CCDC198: variants seen among roughly 807,000 people sequenced by gnomAD.
The protein encoded by CCDC198 is factor associated with metabolism and energy.
A neutral mutation model predicts 35.6 loss-of-function variants in CCDC198; 18 were observed. The ratio of observed to expected loss-of-function variants is 0.51; its 90% CI spans 0.35 to 0.75. The LOEUF is 0.75. Ranked by LOEUF, CCDC198 falls within the 30% of genes least tolerant of loss-of-function variation. The pLI, the probability that CCDC198 is intolerant of heterozygous loss-of-function variation, is 0.01. For synonymous variants in CCDC198, 119 were observed against 113.4 expected, an observed-to-expected ratio of 1.05 and a Z score of -0.31; for missense variants, 365 against 343.7, an observed-to-expected ratio of 1.06 and a Z score of -0.49.
At chr14:57,478,829 C>G in intron 5 of CCDC198, 1 of 1,127,926 alleles carries the variant, frequency 8.9e-7, no homozygotes, top group Non-Finnish European at 1.1e-6. Context: ...GATCGAGCGT[C>G]TTGTTTCTCC....
At chr14:57,471,659 CTT>C (rs2066823169) in intron 5 of CCDC198, 69 bp from the exon 6 acceptor site, 2 of 790,784 alleles carry the variant, frequency 2.5e-6, no homozygotes, top group African/African-American at 3.5e-5. Flanking sequence ...AAGTGCCTAG[CTT>C]AATAAATAAT....
rs1263546391 is a variant in CCDC198 at position 57,469,427 on chromosome 14, G to A, written c.*1928C>T. 1 of 152,228 alleles carries A rather than the reference G, an allele frequency of 6.6e-6. No homozygotes were observed. Among genetic ancestry groups the A allele is most frequent in the Non-Finnish European group, 1.5e-5 (1 of 68,048 alleles). The allele number at this position is 152,228 out of a possible 1,614,324, so 9.4% of individuals were successfully genotyped here. On this transcript the variant is annotated 3_prime_UTR_variant, in exon 6 of 6. Transcript: ENST00000216445. ...CTCACAGTTCATTAAGCTTGTGGAA[G>A]TGGGTTTCGTGAAATTGAATTTTAA...
At chr14:57,492,866 T>C (rs538627866) in intron 1 of CCDC198, among the ~76,000 whole-genome samples, 1 of 152,284 alleles carries the variant, frequency 6.6e-6, no homozygotes, top group Non-Finnish European at 1.5e-5. Context: ...ACATGGCTTA[T>C]AAAATATCCC....
chr14:57,471,398 G>A lies in CCDC198; in HGVS notation c.848C>T (p.Thr283Ile). The A allele has an allele frequency of 6.2e-7, 1 of 1,613,918 alleles. No individual in the cohort carries two copies. The highest frequency in any genetic ancestry group is 1.7e-5 in the Admixed American group (1 of 59,996). The change falls in exon 6 of 6, where the codon ACA becomes ATA. Residue 283 changes from threonine to isoleucine, a missense_variant. By Grantham distance (89) the Thr-to-Ile change is moderately conservative (BLOSUM62 -1). Coordinates refer to ENST00000216445, the MANE Select transcript of CCDC198 (RefSeq NM_018168.4). Reference protein sequence around the residue: ...KKPRALVRTRTERIPLFDEFF... With the variant: ...KKPRALVRTRIERIPLFDEFF... ...CTCATCGAAAAGTGGGATTCTCTCTGTCCTGGTCCTCACCAGTGCTCGTGG... is the reference window on the plus strand; with the variant it reads ...CTCATCGAAAAGTGGGATTCTCTCTATCCTGGTCCTCACCAGTGCTCGTGG...
At chr14:57,479,105 G>T in intron 5 of CCDC198, 1 of 1,099,000 alleles carries the variant, frequency 9.1e-7, no homozygotes, top group Non-Finnish European at 1.2e-6. Flanking sequence ...AGACAAGCCT[G>T]TCCATTAGAA....
rs1330857474 is a variant in CCDC198, at chr14:57,493,552, T to A, written c.164A>T (p.Lys55Ile). ...AGGTGGCAGCTGCCCTTCCAAGGCT[T>A]TATTCTGGTCCTGCAGTCTTGCCAG... ...YSLARLQDQNKALEGQLPPLQ... is the reference protein window; with the variant it reads ...YSLARLQDQNIALEGQLPPLQ... Residue 55 changes from lysine (K) to isoleucine (I), a missense_variant, in exon 1 of 6, where the codon AAA becomes ATA. Coordinates refer to ENST00000216445, the MANE Select transcript of CCDC198 (RefSeq NM_018168.4). 6.2e-7 allele frequency: 1 copy of A among 1,613,986 alleles called. No homozygotes were observed. The highest frequency in any genetic ancestry group is 1.1e-5 in the South Asian group (1 of 91,084).
At chr14:57,493,392 G>A in intron 1 of CCDC198, 101 bp downstream of exon 1, 1 of 1,036,002 alleles carries the variant, frequency 9.7e-7, no homozygotes, top group Admixed American at 2.2e-5. Context: ...TACATTTCAG[G>A]AATTTAGAAA....
chr14:57,475,243 A>C, intron 5 of CCDC198: 1 of 623,406 alleles, frequency 1.6e-6, no homozygotes, highest in Non-Finnish European at 2.0e-6. Flanking sequence ...CCTGGGCGAC[A>C]GAGTGAGACT....
rs2066777639 is a variant in CCDC198, at chr14:57,469,375, GA to G, written c.*1979del. On this transcript the variant is annotated 3_prime_UTR_variant, in exon 6 of 6. Coordinates refer to ENST00000216445, the MANE Select transcript of CCDC198 (RefSeq NM_018168.4). Reference sequence around the variant, plus strand: ...CTAGGAAGCAGAAATACCATACAAAGAAGACATGGTTTATGCCCTCATGTAG... The same window carrying G: ...CTAGGAAGCAGAAATACCATACAAAGAGACATGGTTTATGCCCTCATGTAG... 6.6e-6 allele frequency: 1 copy of G among 152,174 alleles called. No individual in the cohort carries two copies. The highest frequency in any genetic ancestry group is 2.4e-5 in the African/African-American group (1 of 41,446). The allele number at this position is 152,174 out of a possible 1,614,324, so 9.4% of individuals were successfully genotyped here.
chr14:57,473,899 C>T (rs895685535), intron 5 of CCDC198, among the ~76,000 whole-genome samples: 3 of 152,182 alleles, frequency 2.0e-5, no homozygotes, highest in Non-Finnish European at 4.4e-5. Flanking sequence ...TAGAGTCCAT[C>T]GTGTTCCTTC....
chr14:57,471,435 C>G lies in CCDC198; in HGVS notation c.811G>C (p.Asp271His). 9 of 1,614,018 alleles carry G rather than the reference C, an allele frequency of 5.6e-6. No homozygotes were observed. Among genetic ancestry groups the G allele is most frequent in the Non-Finnish European group, 7.6e-6 (9 of 1,179,988 alleles). The stretch of plus-strand genomic sequence containing the variant: ...ACCAGTGCTCGTGGCTTCTTCTCAT[C>G]TTTCCCCTGCTCATCTGAGTCAGAG... ...SSSDSDEQGK[D>H]EKKPRALVRT... The change falls in exon 6 of 6, where the codon GAT becomes CAT. Residue 271 changes from aspartate (D) to histidine (H), a missense_variant. Transcript: ENST00000216445.
intron 2 of CCDC198, among the ~76,000 whole-genome samples, chr14:57,483,747 G>A (rs1380282062): frequency 2.0e-5 from 3 of 152,180 alleles, no homozygotes; most frequent in Admixed American, 6.5e-5. Context: ...AGCAATTCAT[G>A]TCAACCGGTC....
chr14:57,478,721 C>A, intron 5 of CCDC198: 1 of 1,040,366 alleles, frequency 9.6e-7, no homozygotes, highest in Non-Finnish European at 1.2e-6. Flanking sequence ...TATGTGACTA[C>A]AAAGGATATT....
chr14:57,485,740 GGGCAAA>G (rs1321527349), intron 2 of CCDC198, among the ~76,000 whole-genome samples: 1 of 152,168 alleles, frequency 6.6e-6, no homozygotes, highest in Non-Finnish European at 1.5e-5. Flanking sequence ...AAGAGAAGAA[GGGCAAA>G]GGATGTGGAG....
intron 2 of CCDC198, chr14:57,483,365 A>C (rs936021569): frequency 1.7e-6 from 1 of 592,856 alleles, no homozygotes. Context: ...CACTGTCGAC[A>C]GTGCCTTATT....
rs780223306 is a variant in CCDC198 at position 57,483,080 on chromosome 14, T to C, written c.378A>G (p.Thr126=). 4 of 1,614,126 alleles carry C rather than the reference T, an allele frequency of 2.5e-6. No individual in the cohort carries two copies. In the South Asian group the frequency reaches 4.4e-5, roughly 18 times the overall value. The change falls in exon 3 of 6, where the codon ACA becomes ACG. Residue 126 remains threonine, a synonymous_variant. Transcript: ENST00000216445. ...TGCAGCTCACCTTTGCTTTGTGCATTGTCCTGGCTTCTCGCTGGCTCAGGA... is the reference window on the plus strand; with the variant it reads ...TGCAGCTCACCTTTGCTTTGTGCATCGTCCTGGCTTCTCGCTGGCTCAGGA... The part of the protein sequence containing the change: ...GRLLSQREAR[T]MHKAKQVLEK...
chr14:57,471,157 T>G lies in CCDC198; in HGVS notation c.*198A>C. 1 of 500,450 alleles carries G rather than the reference T, an allele frequency of 2.0e-6. No homozygotes were observed. 31.0% of individuals were successfully genotyped at this position (500,450 alleles called of 1,614,324 possible). A position where few individuals can be genotyped will look rare whatever the true frequency, so the allele number is the denominator to read the frequency against. Reference sequence around the variant, plus strand: ...TAAAATGGCTCTTGGTTAGCCCCTGTGTTTTGAGGCATTTAGTTATGCAGC... The same window carrying G: ...TAAAATGGCTCTTGGTTAGCCCCTGGGTTTTGAGGCATTTAGTTATGCAGC... On this transcript the variant is annotated 3_prime_UTR_variant, in exon 6 of 6. Transcript: ENST00000216445.
chr14:57,477,316 T>C (rs1189914), intron 5 of CCDC198, among the ~76,000 whole-genome samples: 139,907 of 152,238 alleles, frequency 0.92, 65,468 homozygotes, highest in East Asian at 1. Flanking sequence ...TGATATTTGC[T>C]TTACTTCTCT....
At chr14:57,473,144 T>A (rs1489197429) in intron 5 of CCDC198, among the ~76,000 whole-genome samples, 1 of 152,246 alleles carries the variant, frequency 6.6e-6, no homozygotes, top group Non-Finnish European at 1.5e-5. Flanking sequence ...ACAAGCATTT[T>A]AATGTGAGAA....
Sources: allele counts gnomAD v4.1 joint callset (sites outside exome capture counted in the v4.1 genomes callset), GRCh38; gene constraint gnomAD v4.1.1; transcripts MANE v1.5; gene names NCBI Gene and HGNC (gene_info 2026-07-23, HGNC 2026-07-21).